Variants in COMMD1 observed in about 807,000 individuals in gnomAD.
COMMD1 encodes the protein copper metabolism domain containing 1.
In COMMD1, 10 loss-of-function variants were observed where a neutral mutation model predicts 17.2. The observed-to-expected ratio is 0.58, with a 90% CI of 0.36 to 0.99. COMMD1 has a LOEUF of 0.99. Ranked by LOEUF, COMMD1 falls within the 50% of genes least tolerant of loss-of-function variation. COMMD1 has a pLI of 0.01. For synonymous variants in COMMD1, 97 were observed against 91.6 expected (o/e 1.06, Z -0.34); for missense variants, 270 against 231.8 (o/e 1.17, Z -1.07).
intron 1 of COMMD1, among the ~76,000 whole-genome samples, chr2:61,914,195 G>C (rs936100026): frequency 2.0e-5 from 3 of 151,874 alleles, no homozygotes; most frequent in African/African-American, 7.3e-5. Flanking sequence ...AATAAAATTG[G>C]AAACAATATA....
At chr2:62,019,470 C>T (rs1308650593) in intron 2 of COMMD1, among the ~76,000 whole-genome samples, 7 of 152,114 alleles carry the variant, frequency 4.6e-5, no homozygotes, top group Admixed American at 1.3e-4. Flanking sequence ...CCACTGCACC[C>T]GGCCCTAAAA....
chr2:61,907,125 T>G (rs1379373400), intron 1 of COMMD1, among the ~76,000 whole-genome samples: 1 of 152,226 alleles, frequency 6.6e-6, no homozygotes, highest in East Asian at 1.9e-4. Context: ...TTTCTTTTTT[T>G]GAGACGAGTT....
chr2:61,979,939 C>G (rs1277035086), intron 1 of COMMD1, among the ~76,000 whole-genome samples: 1 of 108,988 alleles, frequency 9.2e-6, no homozygotes, highest in African/African-American at 3.6e-5. Flanking sequence ...TGATATTCCC[C>G]TTCCTGTGTC....
chr2:62,003,846 C>G (rs1669034968), intron 2 of COMMD1, among the ~76,000 whole-genome samples: 1 of 152,132 alleles, frequency 6.6e-6, no homozygotes, highest in African/African-American at 2.4e-5. Flanking sequence ...TCATAGGTTT[C>G]TAGGTTACAG....
At chr2:62,090,503 A>G (rs1671795913) in intron 2 of COMMD1, among the ~76,000 whole-genome samples, 1 of 152,238 alleles carries the variant, frequency 6.6e-6, no homozygotes, top group Non-Finnish European at 1.5e-5. Flanking sequence ...ATCAAATGCA[A>G]GGAACGCCTG....
chr2:61,891,755 T>C (rs962778278), intron 1 of COMMD1, among the ~76,000 whole-genome samples: 6 of 151,504 alleles, frequency 4.0e-5, no homozygotes, highest in Non-Finnish European at 8.8e-5. Flanking sequence ...TAAACACTTG[T>C]GTAGAGTACT....
At chr2:61,977,764 A>T (rs1402657190) in intron 1 of COMMD1, among the ~76,000 whole-genome samples, 1 of 151,958 alleles carries the variant, frequency 6.6e-6, no homozygotes, top group Non-Finnish European at 1.5e-5. Context: ...AGACAGGCCG[A>T]TCACTTGAGG....
At chr2:62,106,095 C>G (rs945963653) in intron 2 of COMMD1, among the ~76,000 whole-genome samples, 1 of 152,156 alleles carries the variant, frequency 6.6e-6, no homozygotes, top group African/African-American at 2.4e-5. Flanking sequence ...ATCCTGTACT[C>G]AAGTGATGCT....
chr2:61,895,017 A>AT, intron 1 of COMMD1, among the ~76,000 whole-genome samples: 1 of 152,232 alleles, frequency 6.6e-6, no homozygotes, highest in Non-Finnish European at 1.5e-5. Context: ...TTAAAATAGT[A>AT]CCATGAGGAT....
chr2:62,061,554 C>CTTTTTTTTTTTTTT (rs57638195), intron 2 of COMMD1, among the ~76,000 whole-genome samples: 1 of 131,540 alleles, frequency 7.6e-6, no homozygotes, highest in Non-Finnish European at 1.7e-5. Flanking sequence ...TCTTTCTTTT[C>CTTTTTTTTTTTTTT]TTTTTTTTTT....
chr2:61,921,496 T>C (rs1166236530), intron 1 of COMMD1, among the ~76,000 whole-genome samples: 1 of 152,122 alleles, frequency 6.6e-6, no homozygotes, highest in Admixed American at 6.5e-5. Flanking sequence ...CAGGCTGGAG[T>C]GCAGTGGCAC....
intron 1 of COMMD1, among the ~76,000 whole-genome samples, chr2:61,918,946 GT>G (rs1397647764): frequency 6.6e-6 from 1 of 152,098 alleles, no homozygotes; most frequent in African/African-American, 2.4e-5. Context: ...TCAAGTAAAT[GT>G]TTAAAACAAT....
chr2:61,905,588 C>T, upstream of COMMD1: 1 of 1,325,136 alleles, frequency 7.5e-7, no homozygotes. Context: ...CCGAGGTTCC[C>T]CGTGGTGGTT....
chr2:61,937,151 A>C (rs1406365144), intron 1 of COMMD1, among the ~76,000 whole-genome samples: 1 of 152,248 alleles, frequency 6.6e-6, no homozygotes, highest in Non-Finnish European at 1.5e-5. Flanking sequence ...TCCAGGTAGC[A>C]GACTTTATAG....
At chr2:62,014,578 T>C (rs910357321) in intron 2 of COMMD1, among the ~76,000 whole-genome samples, 5 of 68,856 alleles carry the variant, frequency 7.3e-5, no homozygotes, top group African/African-American at 2.7e-4. Flanking sequence ...TTTTTTTTTT[T>C]TGAGACAGAG....
At chr2:62,036,674 T>C (rs1670047405) in intron 2 of COMMD1, among the ~76,000 whole-genome samples, 2 of 152,232 alleles carry the variant, frequency 1.3e-5, no homozygotes, top group Admixed American at 1.3e-4. Flanking sequence ...AACTTTGACA[T>C]CAGTTCTAAT....
chr2:62,035,144 A>C (rs146088962), intron 2 of COMMD1, among the ~76,000 whole-genome samples: 75 of 152,338 alleles, frequency 4.9e-4, no homozygotes, highest in African/African-American at 1.6e-3. Flanking sequence ...GGCCTTGGAT[A>C]GAGTGGAGTA....
intron 2 of COMMD1, among the ~76,000 whole-genome samples, chr2:62,084,090 C>T (rs1671595916): frequency 6.6e-6 from 1 of 152,128 alleles, no homozygotes; most frequent in African/African-American, 2.4e-5. Flanking sequence ...TTCATAGGGT[C>T]AGCTCTAAAC....
intron 1 of COMMD1, among the ~76,000 whole-genome samples, chr2:61,971,546 G>GGT (rs1286808841): frequency 6.6e-6 from 1 of 151,958 alleles, no homozygotes; most frequent in South Asian, 2.1e-4. Context: ...GGAGAAAAAA[G>GGT]GTGTGTGTGT....
Sources: gnomAD v4.1 joint callset for allele counts (sites outside exome capture counted in the v4.1 genomes callset) on GRCh38, gnomAD v4.1.1 for gene constraint, MANE v1.5 for transcripts, NCBI Gene and HGNC (gene_info 2026-07-23, HGNC 2026-07-21) for gene names.